Variants in RIPK3 observed in about 807,000 individuals in gnomAD.
RIPK3 encodes the protein receptor-interacting serine/threonine-protein kinase 3.
RIPK3 carries 51 observed loss-of-function variants against 51.6 expected under a neutral mutation model. The ratio of observed to expected loss-of-function variants is 0.99; its 90% CI spans 0.79 to 1.25. RIPK3 has a LOEUF of 1.25. RIPK3 is among the 50% of genes most tolerant of loss of function. The pLI is 0.00. For missense variants in RIPK3, 654 were observed against 650.4 expected (o/e 1.01, Z -0.06); for synonymous variants, 246 against 257.7 (o/e 0.95, Z 0.44).
At position 24,337,178 on chromosome 14, in the gene RIPK3, G is replaced by T; in HGVS notation, c.1183C>A (p.Pro395Thr). ...AGTSSDSMAQ[P>T]PQTPETSTFR... ...GTTGAGGTCTCTGGAGTCTGGGGAG[G>T]TTGGGCCATCGAATCTGAAGATGTG... The change falls in exon 8 of 10, where the codon CCT becomes ACT. Residue 395 changes from proline to threonine, a missense_variant. By Grantham distance (38) the Pro-to-Thr change is conservative. Coordinates refer to ENST00000216274, the MANE Select transcript of RIPK3 (RefSeq NM_006871.4). The T allele has an allele frequency of 6.2e-7, 1 of 1,613,030 alleles. No individual in the cohort carries two copies. The highest frequency in any genetic ancestry group is 2.2e-5 in the East Asian group (1 of 44,884).
In RIPK3 at chr14:24,339,922, T is replaced by G. The variant is rs1441562296; in HGVS notation, c.-96A>C. On this transcript the variant is annotated 5_prime_UTR_variant, in exon 1 of 10. Transcript: ENST00000216274. The surrounding 1 kb of genome is among the most constrained non-coding windows in gnomAD (Gnocchi z 4.0). ...GTCCTTTCGCAGAGAGGGGAAGGGG[T>G]CTGTCTGTGCAGGGGTCAGTCTCTA... is the stretch of plus-strand genomic sequence containing the variant. The G allele has an allele frequency of 7.4e-7, 1 of 1,350,128 alleles. No individual in the cohort carries two copies. The highest frequency in any genetic ancestry group is 2.3e-5 in the East Asian group (1 of 43,112). 83.6% of individuals were successfully genotyped at this position (1,350,128 alleles called of 1,614,324 possible).
rs752045216 is a variant in RIPK3, at chr14:24,339,136, A to T, written c.350T>A (p.Leu117His). The change falls in exon 3 of 10, where the codon CTT (leucine) becomes CAT (histidine). Residue 117 changes from leucine (L) to histidine (H), a missense_variant. By Grantham distance (99) the Leu-to-His change is moderately conservative. Coordinates refer to ENST00000216274, the MANE Select transcript of RIPK3 (RefSeq NM_006871.4). The surrounding 1 kb of genome is among the most constrained non-coding windows in gnomAD (Gnocchi z 4.0). ...QSQCPRPWPL[L>H]CRLLKEVVLG... ...CACCACTTCTTTCAGCAGGCGGCAAAGGAGCGGCCAGGGCCGAGGGCACTG... is the reference window on the plus strand; with the variant it reads ...CACCACTTCTTTCAGCAGGCGGCAATGGAGCGGCCAGGGCCGAGGGCACTG... The T allele has an allele frequency of 1.9e-6, 3 of 1,614,216 alleles. No homozygotes were observed. The South Asian group carries it at 3.3e-5, about 18-fold the overall frequency.
Position 24,336,948 on chromosome 14 carries a change from GC to G in RIPK3, c.1276-4del, listed in dbSNP as rs757285415. On this transcript the variant is annotated splice_region_variant and splice_polypyrimidine_tract_variant and intron_variant, in intron 8 of 9. Coordinates refer to ENST00000216274, the MANE Select transcript of RIPK3 (RefSeq NM_006871.4). ...TTCATGCCTTGTCTCTCAGCCCCCT[GC>G]AAACAGCACAGAGCATCCAGTTCTG... 1 of 1,613,806 alleles carries G rather than the reference GC, an allele frequency of 6.2e-7. No homozygotes were observed. The highest frequency in any genetic ancestry group is 8.5e-7 in the Non-Finnish European group (1 of 1,179,790).
At chr14:24,336,431 A>G (rs1311276098) in intron 9 of RIPK3, 36 bp from the exon 10 acceptor site, 2 of 1,598,412 alleles carry the variant, frequency 1.3e-6, no homozygotes, top group Non-Finnish European at 1.7e-6. Flanking sequence ...AGGAGGGTTT[A>G]GCTGTCAGAA....
rs1328008438 is a variant in RIPK3, at chr14:24,337,184, C to G, written c.1177G>C (p.Ala393Pro). The G allele has an allele frequency of 6.2e-7, 1 of 1,613,096 alleles. No homozygotes were observed. The highest frequency in any genetic ancestry group is 1.7e-5 in the Admixed American group (1 of 60,008). Residue 393 changes from alanine (A) to proline (P), a missense_variant, in exon 8 of 10, where the codon GCC (alanine) becomes CCC (proline). Transcript: ENST00000216274. ...WTAGTSSDSM[A>P]QPPQTPETST... ...GTCTCTGGAGTCTGGGGAGGTTGGGCCATCGAATCTGAAGATGTGCCTGCT... is the reference window on the plus strand; with the variant it reads ...GTCTCTGGAGTCTGGGGAGGTTGGGGCATCGAATCTGAAGATGTGCCTGCT...
rs2042158662 is a variant in RIPK3 at position 24,338,537 on chromosome 14, C to T, written c.502G>A (p.Gly168Arg). 6.2e-7 allele frequency: 1 copy of T among 1,609,238 alleles called. No individual in the cohort carries two copies. Among genetic ancestry groups the T allele is most frequent in the Non-Finnish European group, 8.5e-7 (1 of 1,176,314 alleles). ...GACCCTGTCCCTGACTGTGAGCCTC[C>T]CTGAAATGTGGACAGGCCAAAATCT... is the stretch of plus-strand genomic sequence containing the variant. Reference protein sequence around the residue: ...LADFGLSTFQGGSQSGTGSGE... With the variant: ...LADFGLSTFQRGSQSGTGSGE... The change falls in exon 4 of 10, where the codon GGA becomes AGA. Residue 168 changes from glycine to arginine, a missense_variant. By Grantham distance (125) the Gly-to-Arg change is moderately radical (BLOSUM62 -2). Coordinates refer to ENST00000216274, the MANE Select transcript of RIPK3 (RefSeq NM_006871.4).
chr14:24,339,264 G>C lies in RIPK3; in HGVS notation c.222C>G (p.Arg74=), dbSNP rs2042165888. ...TCACCTTCTCGATAACCCCTTCTAG[G>C]CGCAGCACGAATTCGTTATCCAGAC... is the stretch of plus-strand genomic sequence containing the variant. The part of the protein sequence containing the change: ...MASLDNEFVL[R]LEGVIEKVNW... The change falls in exon 3 of 10, where the codon CGC becomes CGG. Residue 74 remains arginine, a synonymous_variant. Coordinates refer to ENST00000216274, the MANE Select transcript of RIPK3 (RefSeq NM_006871.4). This position sits in a 1 kb window ranked among gnomAD's most constrained non-coding sequence, Gnocchi z 4.0. 5 of 1,614,084 alleles carry C rather than the reference G, an allele frequency of 3.1e-6. No individual in the cohort carries two copies. Among genetic ancestry groups the C allele is most frequent in the Non-Finnish European group, 4.2e-6 (5 of 1,179,946 alleles).
intron 7 of RIPK3, 54 bp downstream of exon 7, chr14:24,337,641 C>G: frequency 6.5e-7 from 1 of 1,535,440 alleles, no homozygotes; most frequent in Non-Finnish European, 9.0e-7. Context: ...GGCCAGGTAG[C>G]CACGCTGTGC....
In RIPK3 at chr14:24,336,253, T is replaced by G; in HGVS notation, c.1479A>C (p.Pro493=). 6.2e-7 allele frequency: 1 copy of G among 1,614,050 alleles called. No homozygotes were observed. Among genetic ancestry groups the G allele is most frequent in the East Asian group, 2.2e-5 (1 of 44,880 alleles). Residue 493 remains proline, a synonymous_variant, in exon 10 of 10, where the codon CCA becomes CCC. Coordinates refer to ENST00000216274, the MANE Select transcript of RIPK3 (RefSeq NM_006871.4). ...GKGRGLQHPP[P]VGSQEGPKDP... Reference sequence around the variant, plus strand: ...CTTTAGGGCCTTCTTGCGAACCTACTGGTGGGGGGTGCTGCAAGCCCCTCC... The same window carrying G: ...CTTTAGGGCCTTCTTGCGAACCTACGGGTGGGGGGTGCTGCAAGCCCCTCC...
Position 24,337,225 on chromosome 14 carries a change from A to G in RIPK3, c.1136T>C (p.Val379Ala), listed in dbSNP as rs45453899. 1.5e-5 allele frequency: 25 copies of G among 1,613,896 alleles called. No individual in the cohort carries two copies. The highest frequency in any genetic ancestry group is 2.0e-5 in the Non-Finnish European group (24 of 1,180,006). ...TKRSRAQEEQ[V>A]PQAWTAGTSS... ...TGTGCCTGCTGTCCAGGCTTGTGGA[A>G]CCTGCTCCTCTTGTGCCCTGCTCCT... Residue 379 changes from valine to alanine, a missense_variant, in exon 8 of 10, where the codon GTT becomes GCT. Val to Ala is a moderately conservative substitution (Grantham distance 64, BLOSUM62 0). Coordinates refer to ENST00000216274, the MANE Select transcript of RIPK3 (RefSeq NM_006871.4).
In RIPK3 at chr14:24,336,255, G is replaced by T. The variant is rs753498805; in HGVS notation, c.1477C>A (p.Pro493Thr). The change falls in exon 10 of 10, where the codon CCA becomes ACA. Residue 493 changes from proline (P) to threonine (T), a missense_variant. By Grantham distance (38) the Pro-to-Thr change is conservative (BLOSUM62 -1). Coordinates refer to ENST00000216274, the MANE Select transcript of RIPK3 (RefSeq NM_006871.4). ...GKGRGLQHPP[P>T]VGSQEGPKDP... ...TTAGGGCCTTCTTGCGAACCTACTG[G>T]TGGGGGGTGCTGCAAGCCCCTCCCC... 1 of 1,614,060 alleles carries T rather than the reference G, an allele frequency of 6.2e-7. No individual in the cohort carries two copies. Among genetic ancestry groups the T allele is most frequent in the East Asian group, 2.2e-5 (1 of 44,882 alleles).
At position 24,337,412 on chromosome 14, in the gene RIPK3, T is replaced by C; in HGVS notation, c.949A>G (p.Ile317Val). 1 of 1,614,118 alleles carries C rather than the reference T, an allele frequency of 6.2e-7. No individual in the cohort carries two copies. Among genetic ancestry groups the C allele is most frequent in the Non-Finnish European group, 8.5e-7 (1 of 1,180,010 alleles). Reference sequence around the variant, plus strand: ...GTCCCTCCTTGGCCTGACTCTGGGATAGAAAATCTCCTATTGCTGCTCCTG... The same window carrying C: ...GTCCCTCCTTGGCCTGACTCTGGGACAGAAAATCTCCTATTGCTGCTCCTG... ...QLRSSNRRFSIPESGQGGTEM... is the reference protein window; with the variant it reads ...QLRSSNRRFSVPESGQGGTEM... The change falls in exon 8 of 10, where the codon ATC becomes GTC. Residue 317 changes from isoleucine (I) to valine (V), a missense_variant. Coordinates refer to ENST00000216274, the MANE Select transcript of RIPK3 (RefSeq NM_006871.4).
chr14:24,338,737 G>T, intron 3 of RIPK3, 170 bp from the exon 4 acceptor site: 2 of 959,938 alleles, frequency 2.1e-6, no homozygotes, highest in Non-Finnish European at 3.0e-6. Flanking sequence ...GTAGGGCTAG[G>T]TCAAGGTCTG....
chr14:24,339,561 C>G lies in RIPK3; in HGVS notation c.57G>C (p.Glu19Asp). The G allele has an allele frequency of 1.2e-6, 2 of 1,614,184 alleles. No individual in the cohort carries two copies. The highest frequency in any genetic ancestry group is 1.7e-6 in the Non-Finnish European group (2 of 1,180,012). Reference sequence around the variant, plus strand: ...CGACGAGCTCCTGGTTCTCCAGTTCCTCGATGGACACCAAGGGGGCGGGGG... The same window carrying G: ...CGACGAGCTCCTGGTTCTCCAGTTCGTCGATGGACACCAAGGGGGCGGGGG... ...SGAPAPLVSI[E>D]ELENQELVGK... Residue 19 changes from glutamate (E) to aspartate (D), a missense_variant, in exon 2 of 10, where the codon GAG (glutamate) becomes GAC (aspartate). Transcript: ENST00000216274. The surrounding 1 kb of genome is among the most constrained non-coding windows in gnomAD (Gnocchi z 4.0).
At position 24,339,606 on chromosome 14, in the gene RIPK3, G is replaced by A. The variant is rs1226034019; in HGVS notation, c.21-9C>T. On this transcript the variant is annotated splice_polypyrimidine_tract_variant and intron_variant, in intron 1 of 9. Transcript: ENST00000216274. This position sits in a 1 kb window ranked among gnomAD's most constrained non-coding sequence, Gnocchi z 4.0. ...CGGGGGCACCGCTGGGCCTGAGAGA[G>A]GGGTGTCGCCCACTAGCCGGCCGTG... 1 of 1,613,888 alleles carries A rather than the reference G, an allele frequency of 6.2e-7. No homozygotes were observed. Among genetic ancestry groups the A allele is most frequent in the East Asian group, 2.2e-5 (1 of 44,866 alleles).
chr14:24,339,023 G>A lies in RIPK3; in HGVS notation c.463C>T (p.His155Tyr), dbSNP rs1234996684. The A allele has an allele frequency of 6.2e-7, 1 of 1,612,346 alleles. No homozygotes were observed. The highest frequency in any genetic ancestry group is 1.3e-5 in the African/African-American group (1 of 74,908). Residue 155 changes from histidine to tyrosine, a missense_variant, in exon 3 of 10, where the codon CAC (histidine) becomes TAC (tyrosine). Transcript: ENST00000216274. The surrounding 1 kb of genome is among the most constrained non-coding windows in gnomAD (Gnocchi z 4.0). ...PSNVLLDPEL[H>Y]VKLADFGLST... The stretch of plus-strand genomic sequence containing the variant: ...GGTGTAGACCAGCTGACCTTGACGT[G>A]CAGCTCTGGGTCCAGCAGGACGTTG...
Position 24,339,549 on chromosome 14 carries a change from G to C in RIPK3, c.69C>G (p.Asn23Lys), listed in dbSNP as rs916601399. 1.2e-6 allele frequency: 2 copies of C among 1,614,088 alleles called. No homozygotes were observed. The highest frequency in any genetic ancestry group is 1.7e-6 in the Non-Finnish European group (2 of 1,180,040). ...ACCCGCCTTTGCCGACGAGCTCCTG[G>C]TTCTCCAGTTCCTCGATGGACACCA... ...APLVSIEELE[N>K]QELVGKGGFG... The change falls in exon 2 of 10, where the codon AAC becomes AAG. Residue 23 changes from asparagine (N) to lysine (K), a missense_variant. Transcript: ENST00000216274. The surrounding 1 kb of genome is among the most constrained non-coding windows in gnomAD (Gnocchi z 4.0).
chr14:24,338,222 G>C, intron 5 of RIPK3, 27 bp downstream of exon 5: 1 of 1,532,476 alleles, frequency 6.5e-7, no homozygotes, highest in Non-Finnish European at 8.8e-7. Flanking sequence ...TGGGGTTAAG[G>C]ATCCCAGAAT....
rs770628943 is a variant in RIPK3, at chr14:24,339,286, A to C, written c.200T>G (p.Leu67Arg). Residue 67 changes from leucine to arginine, a missense_variant, in exon 3 of 10, where the codon CTG (leucine) becomes CGG (arginine). Coordinates refer to ENST00000216274, the MANE Select transcript of RIPK3 (RefSeq NM_006871.4). The surrounding 1 kb of genome is among the most constrained non-coding windows in gnomAD (Gnocchi z 4.0). ...TAGGCGCAGCACGAATTCGTTATCC[A>C]GACTTGCCATGGCCTTGACCTCCCT... ...ISREVKAMAS[L>R]DNEFVLRLEG... The C allele has an allele frequency of 6.2e-7, 1 of 1,613,612 alleles. No homozygotes were observed. The highest frequency in any genetic ancestry group is 1.7e-5 in the Admixed American group (1 of 60,020).
Sources: allele counts gnomAD v4.1 joint callset, GRCh38; gene constraint gnomAD v4.1.1; non-coding constraint Gnocchi (gnomAD v3.1); transcripts MANE v1.5; gene names NCBI Gene and HGNC (gene_info 2026-07-23, HGNC 2026-07-21).